TLK1: variants seen among roughly 807,000 people sequenced by gnomAD.
TLK1 encodes the protein tousled like kinase 1.
TLK1 carries 24 observed loss-of-function variants against 105.3 expected under a neutral mutation model. That is an observed-to-expected ratio of 0.23 (90% CI 0.17 to 0.32). TLK1 has a LOEUF of 0.32. TLK1 is among the 10% of genes least tolerant of loss of function. The probability of loss-of-function intolerance (pLI) is 1.00; values close to 1 mark genes in which losing one functional copy is unlikely to be tolerated. For synonymous variants in TLK1, 321 were observed against 310.4 expected (o/e 1.03, Z -0.36); for missense variants, 558 against 910.5 (o/e 0.61, Z 4.98).
In TLK1 at chr2:170,993,812, T is replaced by C. The variant is rs769865497; in HGVS notation, c.2269A>G (p.Thr757Ala). The C allele has an allele frequency of 1.9e-6, 3 of 1,609,156 alleles. No individual in the cohort carries two copies. In the East Asian group the frequency reaches 6.7e-5, roughly 36 times the overall value. The change falls in exon 21 of 21, where the codon ACA becomes GCA. Residue 757 changes from threonine (T) to alanine (A), a missense_variant. This residue lies in a region of TLK1 where 27 missense variants were observed against 22.5 expected (regional missense o/e 1.20). Transcript: ENST00000431350. Reference protein sequence around the residue: ...LHMAGLTASPTPPSSSIITY With the variant: ...LHMAGLTASPAPPSSSIITY ...GTAATTATGCTTGAAGAAGGGGGTGTAGGGGATGCTGTCAGCCCAGCCATG... is the reference window on the plus strand; with the variant it reads ...GTAATTATGCTTGAAGAAGGGGGTGCAGGGGATGCTGTCAGCCCAGCCATG...
chr2:171,146,055 T>C (rs535863773), intron 1 of TLK1, among the ~76,000 whole-genome samples: 3 of 152,202 alleles, frequency 2.0e-5, no homozygotes, highest in Non-Finnish European at 2.9e-5. Flanking sequence ...TATGCTTCAA[T>C]ATGAAAGATA....
At position 170,991,232 on chromosome 2, in the gene TLK1, G is replaced by A. The variant is rs1030275028; in HGVS notation, c.*2548C>T. The A allele has an allele frequency of 1.3e-5, 2 of 152,086 alleles. No individual in the cohort carries two copies. The highest frequency in any genetic ancestry group is 2.4e-5 in the African/African-American group (1 of 41,424). The allele number at this position is 152,086 out of a possible 1,614,324, so 9.4% of individuals were successfully genotyped here. On this transcript the variant is annotated 3_prime_UTR_variant, in exon 21 of 21. Coordinates refer to ENST00000431350, the MANE Select transcript of TLK1 (RefSeq NM_012290.5). The stretch of plus-strand genomic sequence containing the variant: ...GAGAGGCCTTGGCTATCATCTTAGG[G>A]ATGCAGGACATGCTTTAATTCTGAG...
At chr2:171,151,992 G>C (rs1304358093) in intron 1 of TLK1, among the ~76,000 whole-genome samples, 1 of 152,190 alleles carries the variant, frequency 6.6e-6, no homozygotes, top group Non-Finnish European at 1.5e-5. Flanking sequence ...GGATGAGTAT[G>C]ATTAGCCTCA....
chr2:171,061,736 T>C (rs1323765106), intron 3 of TLK1, among the ~76,000 whole-genome samples: 1 of 152,248 alleles, frequency 6.6e-6, no homozygotes, highest in African/African-American at 2.4e-5. Flanking sequence ...CTAATCAGTT[T>C]GGTCACCTGT....
At position 171,115,445 on chromosome 2, in the gene TLK1, T is replaced by C. The variant is rs1255067192; in HGVS notation, c.258+2294A>G. 4.6e-5 allele frequency among the ~76,000 whole-genome samples: 7 copies of C among 152,116 alleles called. No individual in the cohort carries two copies. The East Asian group carries it at 1.3e-3, about 29-fold the overall frequency. On this transcript the variant is annotated intron_variant, in intron 2 of 20. Transcript: ENST00000431350. ...ACCTCGGCCTCCCAAAGTGCTGGGA[T>C]TACAGGCGTGAGCAACCGTGCCCGG...
At chr2:171,227,581 T>TTTTG (rs1693923608) in intron 1 of TLK1, among the ~76,000 whole-genome samples, 1 of 134,636 alleles carries the variant, frequency 7.4e-6, no homozygotes. Context: ...TTTTTTTTTT[T>TTTTG]TTTTTTTTTT....
chr2:171,066,753 C>T, intron 3 of TLK1: 1 of 1,349,310 alleles, frequency 7.4e-7, no homozygotes, highest in South Asian at 1.4e-5. Flanking sequence ...ACTTTCCCTT[C>T]TCTGGCTATC....
chr2:171,001,133 G>A (rs1395265471), intron 18 of TLK1, among the ~76,000 whole-genome samples: 3 of 152,162 alleles, frequency 2.0e-5, no homozygotes, highest in Non-Finnish European at 2.9e-5. Flanking sequence ...TACTCTTTCA[G>A]GCTTGATGGC....
At chr2:171,088,297 G>A (rs1160876748) in intron 2 of TLK1, among the ~76,000 whole-genome samples, 5 of 152,074 alleles carry the variant, frequency 3.3e-5, no homozygotes, top group South Asian at 2.1e-4. Flanking sequence ...GTGCCACTGC[G>A]CTCCACCCTG....
chr2:171,039,943 A>G (rs912056302), intron 11 of TLK1, among the ~76,000 whole-genome samples: 1 of 152,188 alleles, frequency 6.6e-6, no homozygotes, highest in African/African-American at 2.4e-5. Flanking sequence ...AGGTGTAGAA[A>G]TAAGTAAAGA....
chr2:171,039,988 A>C (rs1317597111), intron 11 of TLK1, among the ~76,000 whole-genome samples: 1 of 152,210 alleles, frequency 6.6e-6, no homozygotes, highest in Non-Finnish European at 1.5e-5. Context: ...TAAAGTCCAT[A>C]TGAACACTCA....
At chr2:171,022,339 C>A (rs1415890912) in intron 12 of TLK1, among the ~76,000 whole-genome samples, 2 of 151,998 alleles carry the variant, frequency 1.3e-5, no homozygotes, top group Admixed American at 1.3e-4. Flanking sequence ...CTTTTTGGGA[C>A]AACTACTCAT....
chr2:171,137,281 CAA>C (rs577485926), intron 1 of TLK1, among the ~76,000 whole-genome samples: 3 of 139,158 alleles, frequency 2.2e-5, no homozygotes, highest in Admixed American at 7.2e-5. Flanking sequence ...GACCCTGTTT[CAA>C]AAAAAAAAAA....
chr2:171,184,239 T>C (rs543298850), intron 1 of TLK1, among the ~76,000 whole-genome samples: 1 of 152,366 alleles, frequency 6.6e-6, no homozygotes, highest in African/African-American at 2.4e-5. Context: ...AAAGCCCTGC[T>C]GACACCTTGA....
intron 12 of TLK1, among the ~76,000 whole-genome samples, chr2:171,017,853 AATAG>A (rs1176981720): frequency 3.3e-5 from 5 of 152,332 alleles, no homozygotes; most frequent in South Asian, 2.1e-4. Context: ...CTATGTCTTA[AATAG>A]ATAGATATAA....
intron 1 of TLK1, among the ~76,000 whole-genome samples, chr2:171,129,699 G>A (rs1389483628): frequency 6.6e-6 from 1 of 151,984 alleles, no homozygotes; most frequent in Admixed American, 6.6e-5. Flanking sequence ...AAATTATCCA[G>A]GCATGGTAGT....
At chr2:171,035,041 T>G (rs945523687) in intron 11 of TLK1, among the ~76,000 whole-genome samples, 1 of 151,940 alleles carries the variant, frequency 6.6e-6, no homozygotes, top group Non-Finnish European at 1.5e-5. Context: ...TCTGATGGCT[T>G]TAAAAAGGGG....
At position 171,046,362 on chromosome 2, in the gene TLK1, C is replaced by T. The variant is rs1397080734; in HGVS notation, c.981G>A (p.Lys327=). 6.3e-7 allele frequency: 1 copy of T among 1,590,924 alleles called. No individual in the cohort carries two copies. The highest frequency in any genetic ancestry group is 8.5e-7 in the Non-Finnish European group (1 of 1,171,176). Reference sequence around the variant, plus strand: ...TTTGCTGATTCACCCATTCTTGTTGCCTGTGTAAAAATAAACAAATAAAAC... The same window carrying T: ...TTTGCTGATTCACCCATTCTTGTTGTCTGTGTAAAAATAAACAAATAAAAC... ...TDGFAFQNLV[K]QQEWVNQQRE... is the part of the protein sequence containing the mutation. Residue 327 remains lysine, a splice_region_variant and synonymous_variant, in exon 11 of 21, where the codon AAG becomes AAA. Coordinates refer to ENST00000431350, the MANE Select transcript of TLK1 (RefSeq NM_012290.5).
At chr2:171,106,357 A>C (rs2105512644) in intron 2 of TLK1, among the ~76,000 whole-genome samples, 1 of 152,368 alleles carries the variant, frequency 6.6e-6, no homozygotes, top group South Asian at 2.1e-4. Context: ...TCCTATCACA[A>C]AGAAATGATA....
Sources: gnomAD v4.1 joint callset for allele counts (sites outside exome capture counted in the v4.1 genomes callset) on GRCh38, gnomAD v4.1.1 for gene constraint, gnomAD v4.1.1 regional missense constraint, MANE v1.5 for transcripts, NCBI Gene and HGNC (gene_info 2026-07-23, HGNC 2026-07-21) for gene names.